The following JARID2 variants were observed in gnomAD, a reference collection of about 807,000 sequenced individuals.
JARID2 encodes the protein protein Jumonji.
A neutral mutation model predicts 125.6 loss-of-function variants in JARID2; 21 were observed. The observed-to-expected ratio is 0.17, with a 90% CI of 0.12 to 0.24. The LOEUF (loss-of-function observed/expected upper bound fraction) is 0.24. Ranked by LOEUF, JARID2 falls within the 10% of genes least tolerant of loss-of-function variation. The pLI is 1.00. For synonymous variants in JARID2, 736 were observed against 661.6 expected, an observed-to-expected ratio of 1.11 and a Z score of -1.73; for missense variants, 1,303 against 1,639.6, an observed-to-expected ratio of 0.79 and a Z score of 3.55.
rs183548323 is a variant in JARID2, at chr6:15,318,264, A to G, written c.46-55853A>G. On this transcript the variant is annotated intron_variant, in intron 1 of 17. Coordinates refer to ENST00000341776, the MANE Select transcript of JARID2 (RefSeq NM_004973.4). ...ACTTCTCCATTTGTATTTAAACTTC[A>G]AAGAGAAAGCTGAACTCCAAGGCCC... 3.3e-5 allele frequency among the ~76,000 whole-genome samples: 5 copies of G among 152,272 alleles called. No individual in the cohort carries two copies. In the South Asian group the frequency reaches 8.3e-4, roughly 25 times the overall value.
intron 2 of JARID2, 27 bp downstream of exon 2, chr6:15,374,279 T>G (rs1316809305): frequency 1.2e-6 from 2 of 1,610,472 alleles, no homozygotes; most frequent in Non-Finnish European, 8.5e-7. Flanking sequence ...AATATCTCAT[T>G]GGAATGTACA....
intron 3 of JARID2, among the ~76,000 whole-genome samples, chr6:15,416,569 TGGCAGGCACTC>T (rs1284985769): frequency 6.6e-6 from 1 of 151,990 alleles, no homozygotes; most frequent in Non-Finnish European, 1.5e-5. Context: ...GCGCCTGCAA[TGGCAGGCACTC>T]GGCAGGCTGA....
intron 1 of JARID2, chr6:15,248,649 C>G (rs1012127084): frequency 1.3e-5 from 2 of 152,168 alleles, no homozygotes; most frequent in African/African-American, 4.8e-5. Context: ...CGGTTCTTCC[C>G]CCGCCGCGCG....
At chr6:15,464,389 G>A (rs953532646) in intron 4 of JARID2, among the ~76,000 whole-genome samples, 2 of 152,218 alleles carry the variant, frequency 1.3e-5, no homozygotes, top group African/African-American at 2.4e-5. Flanking sequence ...ACGTTGATGA[G>A]ATGGACAGGT....
At chr6:15,340,816 G>GTC (rs1763042800) in intron 1 of JARID2, among the ~76,000 whole-genome samples, 1 of 152,148 alleles carries the variant, frequency 6.6e-6, no homozygotes, top group African/African-American at 2.4e-5. Context: ...GATAGTTTTA[G>GTC]ATAACACTCA....
chr6:15,290,856 G>A (rs1375604174), intron 1 of JARID2, among the ~76,000 whole-genome samples: 1 of 152,180 alleles, frequency 6.6e-6, no homozygotes, highest in African/African-American at 2.4e-5. Flanking sequence ...TGCTGACCTC[G>A]TGATCCGCCT....
intron 3 of JARID2, among the ~76,000 whole-genome samples, chr6:15,450,140 T>G (rs920975589): frequency 1.3e-5 from 2 of 152,130 alleles, no homozygotes. Flanking sequence ...AGGGAATACA[T>G]CTGCTCTCTT....
intron 3 of JARID2, among the ~76,000 whole-genome samples, chr6:15,421,427 T>G (rs1454499303): frequency 1.4e-5 from 2 of 146,198 alleles, no homozygotes; most frequent in Non-Finnish European, 3.0e-5. Flanking sequence ...AAAAAAAAGG[T>G]GAACAGCGTA....
At chr6:15,432,101 G>GA (rs557368432) in intron 3 of JARID2, among the ~76,000 whole-genome samples, 24,250 of 141,974 alleles carry the variant, frequency 0.17, 1,989 homozygotes, top group Non-Finnish European at 0.21. Context: ...ACAAAGCAAT[G>GA]AAAAAAAAAA....
intron 3 of JARID2, among the ~76,000 whole-genome samples, chr6:15,449,694 G>A (rs753015597): frequency 1.3e-5 from 2 of 151,722 alleles, no homozygotes; most frequent in Non-Finnish European, 2.9e-5. Flanking sequence ...AAAAAAAAAA[G>A]TGCTCTGAAT....
intron 12 of JARID2, among the ~76,000 whole-genome samples, chr6:15,510,714 G>A (rs1247016084): frequency 1.3e-5 from 2 of 152,226 alleles, no homozygotes. Flanking sequence ...GCTATCCCCT[G>A]ACCCCTACTT....
At chr6:15,464,656 CT>C (rs1489033649) in intron 4 of JARID2, among the ~76,000 whole-genome samples, 2 of 152,174 alleles carry the variant, frequency 1.3e-5, no homozygotes, top group African/African-American at 2.4e-5. Flanking sequence ...ACCTCCTCCC[CT>C]GGAGTTCATT....
chr6:15,369,457 C>A (rs1009840535), intron 1 of JARID2: 6 of 293,104 alleles, frequency 2.0e-5, no homozygotes, highest in Admixed American at 1.1e-4. Flanking sequence ...TTCCTGTGTC[C>A]TCTATATTAA....
chr6:15,375,867 T>C (rs778742720), intron 2 of JARID2, among the ~76,000 whole-genome samples: 1 of 152,218 alleles, frequency 6.6e-6, no homozygotes, highest in Non-Finnish European at 1.5e-5. Context: ...TTAGTGTTTC[T>C]TGGCATTGCC....
At chr6:15,260,076 A>G (rs1759813686) in intron 1 of JARID2, among the ~76,000 whole-genome samples, 1 of 152,198 alleles carries the variant, frequency 6.6e-6, no homozygotes. Flanking sequence ...CAGATCTTTT[A>G]ATCTGAAAGA....
chr6:15,338,158 C>T lies in JARID2; in HGVS notation c.46-35959C>T, dbSNP rs1445132033. Among the ~76,000 whole-genome samples, 4 of 152,130 alleles carry T rather than the reference C, an allele frequency of 2.6e-5. No homozygotes were observed. The East Asian group carries it at 7.7e-4, about 29-fold the overall frequency. On this transcript the variant is annotated intron_variant, in intron 1 of 17. Transcript: ENST00000341776. ...GTACTGCAGTGGTACCTATGGCTGG[C>T]CCAGGGATAAGAAGTGGAGAGTGAA... is the stretch of plus-strand genomic sequence containing the variant.
At chr6:15,299,509 G>C (rs114147131) in intron 1 of JARID2, among the ~76,000 whole-genome samples, 1 of 152,182 alleles carries the variant, frequency 6.6e-6, no homozygotes, top group Non-Finnish European at 1.5e-5. Flanking sequence ...CCCTTTTTCT[G>C]TAGGAAGGAA....
At chr6:15,322,064 C>A (rs1281549535) in intron 1 of JARID2, among the ~76,000 whole-genome samples, 1 of 152,080 alleles carries the variant, frequency 6.6e-6, no homozygotes, top group Non-Finnish European at 1.5e-5. Context: ...TAATTACAGG[C>A]ATGAGCTACC....
At chr6:15,442,415 G>A (rs1309819978) in intron 3 of JARID2, among the ~76,000 whole-genome samples, 5 of 152,142 alleles carry the variant, frequency 3.3e-5, no homozygotes, top group South Asian at 2.1e-4. Flanking sequence ...AAATTATTTT[G>A]GCCAGATCCT....
Sources: gnomAD v4.1 joint callset for allele counts (sites outside exome capture counted in the v4.1 genomes callset) on GRCh38, gnomAD v4.1.1 for gene constraint, MANE v1.5 for transcripts, NCBI Gene and HGNC (gene_info 2026-07-23, HGNC 2026-07-21) for gene names.